Variants in FXR1 observed in about 807,000 individuals in gnomAD.
FXR1 encodes FMR1 autosomal homolog 1.
A neutral mutation model predicts 84.0 loss-of-function variants in FXR1; 15 were observed. The ratio of observed to expected loss-of-function variants is 0.18; its 90% CI spans 0.12 to 0.27. The LOEUF (loss-of-function observed/expected upper bound fraction) is 0.27. Among genes scored for constraint, FXR1 ranks in the 10% least tolerant of loss-of-function variants. The pLI, the probability that FXR1 is intolerant of heterozygous loss-of-function variation, is 1.00. For synonymous variants in FXR1, 245 were observed against 250.7 expected (o/e 0.98, Z 0.21); for missense variants, 480 against 774.4 (o/e 0.62, Z 4.51).
In FXR1 at chr3:180,912,670, C is replaced by A. The variant is rs751860476; in HGVS notation, c.-16C>A. On this transcript the variant is annotated 5_prime_UTR_variant, in exon 1 of 17. Coordinates refer to ENST00000357559, the MANE Select transcript of FXR1 (RefSeq NM_005087.4). ...AGTTTCTAGAATCTCTTCCCAGCGG[C>A]CTTTGCGGTTCCAACATGGCGGAGC... is the stretch of plus-strand genomic sequence containing the variant. 1.7e-5 allele frequency: 27 copies of A among 1,613,464 alleles called. No individual in the cohort carries two copies. The highest frequency in any genetic ancestry group is 2.2e-5 in the Non-Finnish European group (26 of 1,179,812).
chr3:180,912,939 A>T (rs1717401360), intron 1 of FXR1, among the ~76,000 whole-genome samples: 1 of 152,014 alleles, frequency 6.6e-6, no homozygotes. Context: ...TTGAAACAAC[A>T]CGTCGGACAC....
chr3:180,970,072 T>C, intron 14 of FXR1, 86 bp from the exon 15 acceptor site: 1 of 625,676 alleles, frequency 1.6e-6, no homozygotes, highest in Non-Finnish European at 3.0e-6. Flanking sequence ...GAAGTTTATT[T>C]GTCATTGATA....
intron 10 of FXR1, among the ~76,000 whole-genome samples, chr3:180,958,964 C>T (rs1403785095): frequency 1.3e-5 from 2 of 151,978 alleles, no homozygotes; most frequent in African/African-American, 2.4e-5. Context: ...TGCGCCATCA[C>T]GCCCAGCTAA....
chr3:180,975,053 A>G (rs547224694), intron 15 of FXR1, among the ~76,000 whole-genome samples: 1 of 151,460 alleles, frequency 6.6e-6, no homozygotes, highest in African/African-American at 2.4e-5. Flanking sequence ...ATTAGGGTCA[A>G]CCAGAAGCAA....
chr3:180,933,136 A>T, intron 1 of FXR1, 198 bp from the exon 2 acceptor site: 1 of 513,690 alleles, frequency 1.9e-6, no homozygotes, highest in Non-Finnish European at 3.4e-6. Context: ...CCGGGTGAAA[A>T]ATGAGGTTCA....
intron 8 of FXR1, among the ~76,000 whole-genome samples, chr3:180,952,247 C>T (rs1722297139): frequency 1.3e-5 from 2 of 152,050 alleles, no homozygotes; most frequent in African/African-American, 2.4e-5. Context: ...CGTGAGCCAC[C>T]GTGCCTGGCC....
chr3:180,948,537 G>A lies in FXR1; in HGVS notation c.419+42G>A, dbSNP rs758555624. The A allele has an allele frequency of 3.5e-6, 5 of 1,442,060 alleles. No individual in the cohort carries two copies. The East Asian group carries it at 1.1e-4, about 33-fold the overall frequency. The allele number at this position is 1,442,060 out of a possible 1,614,324, so 89.3% of individuals were successfully genotyped here. A position where few individuals can be genotyped will look rare whatever the true frequency, so the allele number is the denominator to read the frequency against. On this transcript the variant is annotated intron_variant, in intron 5 of 16. Coordinates refer to ENST00000357559, the MANE Select transcript of FXR1 (RefSeq NM_005087.4). Reference sequence around the variant, plus strand: ...ACTATTGAATTGTTCTGTGAATTAAGAAGATTTTTCAGTCCTACAAAACAT... The same window carrying A: ...ACTATTGAATTGTTCTGTGAATTAAAAAGATTTTTCAGTCCTACAAAACAT...
chr3:180,916,675 G>A (rs1717932091), intron 1 of FXR1, among the ~76,000 whole-genome samples: 1 of 152,280 alleles, frequency 6.6e-6, no homozygotes, highest in Non-Finnish European at 1.5e-5. Flanking sequence ...CCAAAGTGCT[G>A]GGATTACAGG....
chr3:180,962,478 A>C (rs965638128), intron 11 of FXR1, among the ~76,000 whole-genome samples: 2 of 152,222 alleles, frequency 1.3e-5, no homozygotes, highest in African/African-American at 4.8e-5. Context: ...CTTTGATAGG[A>C]AAGTAGCTTG....
chr3:180,938,100 G>T (rs1720725474), intron 3 of FXR1, among the ~76,000 whole-genome samples: 1 of 151,944 alleles, frequency 6.6e-6, no homozygotes, highest in Non-Finnish European at 1.5e-5. Context: ...AAAATTATTT[G>T]GTGTGGATAT....
chr3:180,948,939 G>A (rs751739840), intron 6 of FXR1, 125 bp downstream of exon 6: 20 of 639,724 alleles, frequency 3.1e-5, no homozygotes, highest in Non-Finnish European at 5.4e-5. Context: ...ATATAGTGTG[G>A]GAGAAAAATT....
chr3:180,952,889 G>T (rs1449864999), intron 8 of FXR1, among the ~76,000 whole-genome samples: 1 of 147,542 alleles, frequency 6.8e-6, no homozygotes, highest in Non-Finnish European at 1.5e-5. Flanking sequence ...CTGGAGTGCA[G>T]TGGCGTGATC....
intron 1 of FXR1, among the ~76,000 whole-genome samples, chr3:180,921,829 A>AT (rs970908395): frequency 5.9e-5 from 9 of 151,450 alleles, no homozygotes; most frequent in African/African-American, 9.7e-5. Context: ...AGTCTGTTGT[A>AT]TTTTTTTTTC....
At position 180,961,522 on chromosome 3, in the gene FXR1, G is replaced by A. The variant is rs568393920; in HGVS notation, c.1045G>A (p.Val349Ile). The part of the protein sequence containing the change: ...GTKESIGNVQ[V>I]LLEYHIAYLK... ...TAAAGAAAGCATTGGAAATGTGCAG[G>A]TTCTTCTAGAGTATCATATTGCCTA... Residue 349 changes from valine to isoleucine, a missense_variant, in exon 11 of 17, where the codon GTT (valine) becomes ATT (isoleucine). This residue lies in a region of FXR1 where 33 missense variants were observed against 42.4 expected (regional missense o/e 0.78). Transcript: ENST00000357559. 6.4e-7 allele frequency: 1 copy of A among 1,556,694 alleles called. No homozygotes were observed. The highest frequency in any genetic ancestry group is 1.1e-5 in the South Asian group (1 of 89,808).
intron 3 of FXR1, among the ~76,000 whole-genome samples, chr3:180,940,580 G>GTTTTGTTT (rs746815811): frequency 0.014 from 2,083 of 145,758 alleles, 28 homozygotes; most frequent in South Asian, 0.017. Context: ...GTTTTTTTCT[G>GTTTTGTTT]TTTTCTTTTT....
rs976519978 is a variant in FXR1 at position 180,922,954 on chromosome 3, A to G, written c.51+10218A>G. ...AACTTCTTTTCTTATATTGCTGGTC[A>G]TAGTGAGATTTTAGTTTTTAACATA... On this transcript the variant is annotated intron_variant, in intron 1 of 16. Coordinates refer to ENST00000357559, the MANE Select transcript of FXR1 (RefSeq NM_005087.4). Among the ~76,000 whole-genome samples, 4 of 152,138 alleles carry G rather than the reference A, an allele frequency of 2.6e-5. No individual in the cohort carries two copies. The East Asian group carries it at 5.8e-4, about 22-fold the overall frequency.
At position 180,912,682 on chromosome 3, in the gene FXR1, C is replaced by T. The variant is rs1717353186; in HGVS notation, c.-4C>T. On this transcript the variant is annotated 5_prime_UTR_variant, in exon 1 of 17. Transcript: ENST00000357559. ...CTCTTCCCAGCGGCCTTTGCGGTTC[C>T]AACATGGCGGAGCTGACGGTGGAGG... 1.9e-6 allele frequency: 3 copies of T among 1,614,034 alleles called. No individual in the cohort carries two copies. Among genetic ancestry groups the T allele is most frequent in the East Asian group, 2.2e-5 (1 of 44,870 alleles).
intron 13 of FXR1, 51 bp from the exon 14 acceptor site, chr3:180,968,000 A>T: frequency 8.3e-7 from 1 of 1,199,824 alleles, no homozygotes; most frequent in Non-Finnish European, 1.2e-6. Context: ...TGAACATTTT[A>T]AAAGGCTTTT....
At chr3:180,951,659 AT>A (rs1379547902) in intron 8 of FXR1, among the ~76,000 whole-genome samples, 191 bp downstream of exon 8, 4 of 152,232 alleles carry the variant, frequency 2.6e-5, no homozygotes, top group Non-Finnish European at 5.9e-5. Flanking sequence ...GGAGTGAAAG[AT>A]TTACTAAGTA....
Sources: gnomAD v4.1 joint callset for allele counts (sites outside exome capture counted in the v4.1 genomes callset) on GRCh38, gnomAD v4.1.1 for gene constraint, gnomAD v4.1.1 regional missense constraint, MANE v1.5 for transcripts, NCBI Gene and HGNC (gene_info 2026-07-23, HGNC 2026-07-21) for gene names.